Variants in FUCA2 observed in about 807,000 individuals in gnomAD.
FUCA2 encodes the protein alpha-L-fucosidase 2.
A neutral mutation model predicts 52.6 loss-of-function variants in FUCA2; 41 were observed. That is an observed-to-expected ratio of 0.78 (90% CI 0.61 to 1.01). The LOEUF is 1.01. Among genes scored for constraint, FUCA2 ranks in the 50% least tolerant of loss-of-function variants. The pLI, the probability that FUCA2 is intolerant of heterozygous loss-of-function variation, is 0.00. For synonymous variants in FUCA2, 211 were observed against 217.3 expected (o/e 0.97, Z 0.26); for missense variants, 507 against 569.5 (o/e 0.89, Z 1.12).
rs765528096 is a variant in FUCA2, at chr6:143,502,330, A to C, written c.963+25T>G. The stretch of plus-strand genomic sequence containing the variant: ...CCACACTATTAAGAATATTATGTTA[A>C]TAGCCACCAGACATTTCACTGTACC... On this transcript the variant is annotated intron_variant, in intron 4 of 6. Transcript: ENST00000002165. This position sits in a 1 kb window ranked among gnomAD's most constrained non-coding sequence, Gnocchi z 4.1. The C allele has an allele frequency of 6.2e-7, 1 of 1,602,184 alleles. No homozygotes were observed. The highest frequency in any genetic ancestry group is 8.5e-7 in the Non-Finnish European group (1 of 1,171,046).
Position 143,510,908 on chromosome 6 carries a change from T to A in FUCA2, c.224+503A>T, listed in dbSNP as rs981054557. ...TTTAAAAAGTTCCTAGAGCCACACA[T>A]GGGTAACATGTTAACATTAAGTAGC... On this transcript the variant is annotated intron_variant, in intron 1 of 6. Coordinates refer to ENST00000002165, the MANE Select transcript of FUCA2 (RefSeq NM_032020.5). The surrounding 1 kb of genome is among the most constrained non-coding windows in gnomAD (Gnocchi z 4.4). Among the ~76,000 whole-genome samples, 1 of 152,144 alleles carries A rather than the reference T, an allele frequency of 6.6e-6. No homozygotes were observed. The highest frequency in any genetic ancestry group is 2.1e-4 in the South Asian group (1 of 4,830).
chr6:143,498,336 T>C (rs551211591), intron 5 of FUCA2, among the ~76,000 whole-genome samples: 21 of 152,258 alleles, frequency 1.4e-4, no homozygotes, highest in African/African-American at 4.8e-4. Flanking sequence ...TCAACAAATA[T>C]GTCAGGTGTT....
Position 143,504,225 on chromosome 6 carries a change from G to A in FUCA2, c.440C>T (p.Ser147Leu), listed in dbSNP as rs760129725. Residue 147 changes from serine to leucine, a missense_variant, in exon 3 of 7, where the codon TCG becomes TTG. By Grantham distance (145) the Ser-to-Leu change is moderately radical. Transcript: ENST00000002165. The surrounding 1 kb of genome is among the most constrained non-coding windows in gnomAD (Gnocchi z 4.4). ...CTCATCTATGGCATTCCAGTTCCAC[G>A]AATATTCTGACCCCCACAAGGTAAA... ...EGFTLWGSEY[S>L]WNWNAIDEGP... 3.7e-6 allele frequency: 6 copies of A among 1,613,762 alleles called. No individual in the cohort carries two copies. Among genetic ancestry groups the A allele is most frequent in the East Asian group, 2.2e-5 (1 of 44,884 alleles).
In FUCA2 at chr6:143,495,859, A is replaced by G; in HGVS notation, c.1264-12T>C. 6.2e-7 allele frequency: 1 copy of G among 1,613,088 alleles called. No homozygotes were observed. Reference sequence around the variant, plus strand: ...CCCAGTAGTTTCACCTGAAATTAAAAACATACATGCAAATGTCTCCAAATT... The same window carrying G: ...CCCAGTAGTTTCACCTGAAATTAAAGACATACATGCAAATGTCTCCAAATT... On this transcript the variant is annotated splice_polypyrimidine_tract_variant and intron_variant, in intron 6 of 6. Transcript: ENST00000002165. The surrounding 1 kb of genome is among the most constrained non-coding windows in gnomAD (Gnocchi z 5.2).
In FUCA2 at chr6:143,510,697, TTC is replaced by T. The variant is rs1174340233; in HGVS notation, c.224+712_224+713del. On this transcript the variant is annotated intron_variant, in intron 1 of 6. Transcript: ENST00000002165. The surrounding 1 kb of genome is among the most constrained non-coding windows in gnomAD (Gnocchi z 4.4). Reference sequence around the variant, plus strand: ...GTTTCTATATATGCACACAAAATATTTCTGTTTTGAAGGACTTAATACTTGTA... The same window carrying T: ...GTTTCTATATATGCACACAAAATATTTGTTTTGAAGGACTTAATACTTGTA... Among the ~76,000 whole-genome samples, 1 of 152,054 alleles carries T rather than the reference TTC, an allele frequency of 6.6e-6. No homozygotes were observed.
In FUCA2 at chr6:143,502,420, G is replaced by C; in HGVS notation, c.898C>G (p.Leu300Val). 2 of 1,614,056 alleles carry C rather than the reference G, an allele frequency of 1.2e-6. No homozygotes were observed. Among genetic ancestry groups the C allele is most frequent in the Non-Finnish European group, 1.7e-6 (2 of 1,179,972 alleles). The change falls in exon 4 of 7, where the codon CTG becomes GTG. Residue 300 changes from leucine to valine, a missense_variant. Transcript: ENST00000002165. The surrounding 1 kb of genome is among the most constrained non-coding windows in gnomAD (Gnocchi z 4.1). The part of the protein sequence containing the change: ...KWENCMTIDK[L>V]SWGYRREAGI... Reference sequence around the variant, plus strand: ...GCTTCCCTCCTATAGCCCCAGGACAGTTTGTCTATTGTCATGCAGTTTTCC... The same window carrying C: ...GCTTCCCTCCTATAGCCCCAGGACACTTTGTCTATTGTCATGCAGTTTTCC...
At position 143,497,526 on chromosome 6, in the gene FUCA2, A is replaced by C. The variant is rs369469343; in HGVS notation, c.1155-29T>G. On this transcript the variant is annotated intron_variant, in intron 5 of 6. Transcript: ENST00000002165. This position sits in a 1 kb window ranked among gnomAD's most constrained non-coding sequence, Gnocchi z 5.3. ...GTTAAAAGAAAAAAATAAAGAGCAT[A>C]GTAGCAAGTTACATCCCATGTTTCT... The C allele has an allele frequency of 5.6e-6, 7 of 1,242,772 alleles. No homozygotes were observed. In the East Asian group the frequency reaches 1.6e-4, roughly 29 times the overall value. 77.0% of individuals were successfully genotyped at this position (1,242,772 alleles called of 1,614,324 possible). A position where few individuals can be genotyped will look rare whatever the true frequency, so the allele number is the denominator to read the frequency against.
chr6:143,504,021 T>A lies in FUCA2; in HGVS notation c.644A>T (p.Glu215Val). 6.2e-7 allele frequency: 1 copy of A among 1,614,180 alleles called. No homozygotes were observed. The highest frequency in any genetic ancestry group is 8.5e-7 in the Non-Finnish European group (1 of 1,180,024). Residue 215 changes from glutamate to valine, a missense_variant, in exon 3 of 7, where the codon GAG (glutamate) becomes GTG (valine). By Grantham distance (121) the Glu-to-Val change is moderately radical. Coordinates refer to ENST00000002165, the MANE Select transcript of FUCA2 (RefSeq NM_032020.5). This position sits in a 1 kb window ranked among gnomAD's most constrained non-coding sequence, Gnocchi z 4.4. ...CTCAGGCTGATAGTTGTTCACTAAC[T>A]CATAGAGCTCTGGCAATGTCTTAGA... ...PVSKTLPELY[E>V]LVNNYQPEVL...
Position 143,501,820 on chromosome 6 carries a change from T to G in FUCA2, c.1154+112A>C. On this transcript the variant is annotated intron_variant, in intron 5 of 6. Coordinates refer to ENST00000002165, the MANE Select transcript of FUCA2 (RefSeq NM_032020.5). The surrounding 1 kb of genome is among the most constrained non-coding windows in gnomAD (Gnocchi z 6.1). ...TAAGCAAAGTTTGGAAAGTGCTTTGTATATGTAGGAATTCATCCAATTTCT... is the reference window on the plus strand; with the variant it reads ...TAAGCAAAGTTTGGAAAGTGCTTTGGATATGTAGGAATTCATCCAATTTCT... 1.1e-6 allele frequency: 1 copy of G among 901,540 alleles called. No homozygotes were observed. The highest frequency in any genetic ancestry group is 1.7e-6 in the Non-Finnish European group (1 of 604,018). The allele number at this position is 901,540 out of a possible 1,614,324, so 55.8% of individuals were successfully genotyped here.
Position 143,510,425 on chromosome 6 carries a change from C to T in FUCA2, c.224+986G>A, listed in dbSNP as rs142536459. ...TGAGCCACCGCGGATCACCTGAGGT[C>T]AGGAGTTCAAGACCAGCCTGGCTAA... On this transcript the variant is annotated intron_variant, in intron 1 of 6. Coordinates refer to ENST00000002165, the MANE Select transcript of FUCA2 (RefSeq NM_032020.5). This position sits in a 1 kb window ranked among gnomAD's most constrained non-coding sequence, Gnocchi z 4.4. Among the ~76,000 whole-genome samples, 3 of 152,076 alleles carry T rather than the reference C, an allele frequency of 2.0e-5. No homozygotes were observed. Among genetic ancestry groups the T allele is most frequent in the Non-Finnish European group, 4.4e-5 (3 of 68,032 alleles).
In FUCA2 at chr6:143,501,949, A is replaced by G; in HGVS notation, c.1137T>C (p.Thr379=). The part of the protein sequence containing the change: ...ETHTWRSQND[T]VTPDVWYTSK... ...TGACTTACCACACATCTGGGGTGAC[A>G]GTGTCATTCTGGGATCGCCAGGTAT... The change falls in exon 5 of 7, where the codon ACT becomes ACC. Residue 379 remains threonine, a synonymous_variant. Coordinates refer to ENST00000002165, the MANE Select transcript of FUCA2 (RefSeq NM_032020.5). This position sits in a 1 kb window ranked among gnomAD's most constrained non-coding sequence, Gnocchi z 6.1. The G allele has an allele frequency of 6.2e-7, 1 of 1,613,618 alleles. No homozygotes were observed. Among genetic ancestry groups the G allele is most frequent in the Non-Finnish European group, 8.5e-7 (1 of 1,179,718 alleles).
In FUCA2 at chr6:143,511,325, C is replaced by A. The variant is rs985295699; in HGVS notation, c.224+86G>T. ...CGACGAGGGTGCAGGCAGCACCAGG[C>A]GGCGAACCAGGCCCGCTGGGTGGTG... On this transcript the variant is annotated intron_variant, in intron 1 of 6. Coordinates refer to ENST00000002165, the MANE Select transcript of FUCA2 (RefSeq NM_032020.5). This position sits in a 1 kb window ranked among gnomAD's most constrained non-coding sequence, Gnocchi z 6.3. 3 of 1,279,334 alleles carry A rather than the reference C, an allele frequency of 2.3e-6. No homozygotes were observed. Among genetic ancestry groups the A allele is most frequent in the Non-Finnish European group, 3.2e-6 (3 of 932,172 alleles). 79.2% of individuals were successfully genotyped at this position (1,279,334 alleles called of 1,614,324 possible).
Position 143,502,214 on chromosome 6 carries a change from T to G in FUCA2, c.964-92A>C. On this transcript the variant is annotated intron_variant, in intron 4 of 6. Transcript: ENST00000002165. This position sits in a 1 kb window ranked among gnomAD's most constrained non-coding sequence, Gnocchi z 4.1. ...GCATTTATATATTTATACATGTATA[T>G]ATAGTCACTGCCTAGAAGAACAAAC... is the stretch of plus-strand genomic sequence containing the variant. 7.8e-7 allele frequency: 1 copy of G among 1,289,212 alleles called. No homozygotes were observed. Among genetic ancestry groups the G allele is most frequent in the Non-Finnish European group, 1.1e-6 (1 of 928,404 alleles). The allele number at this position is 1,289,212 out of a possible 1,614,324, so 79.9% of individuals were successfully genotyped here.
chr6:143,500,804 T>G lies in FUCA2; in HGVS notation c.1154+1128A>C, dbSNP rs1229739272. On this transcript the variant is annotated intron_variant, in intron 5 of 6. Transcript: ENST00000002165. The surrounding 1 kb of genome is among the most constrained non-coding windows in gnomAD (Gnocchi z 6.9). ...GGGGACAGGGACAGCAAGCCAGGGC[T>G]CTCTCAAAGGATTTTAAGGGTTGAC... Among the ~76,000 whole-genome samples, 1 of 152,050 alleles carries G rather than the reference T, an allele frequency of 6.6e-6. No individual in the cohort carries two copies. Among genetic ancestry groups the G allele is most frequent in the Non-Finnish European group, 1.5e-5 (1 of 68,002 alleles).
chr6:143,507,888 T>G lies in FUCA2; in HGVS notation c.225-464A>C, dbSNP rs567495897. Among the ~76,000 whole-genome samples the G allele has an allele frequency of 2.0e-5, 3 of 152,226 alleles. No individual in the cohort carries two copies. The East Asian group carries it at 5.8e-4, about 29-fold the overall frequency. On this transcript the variant is annotated intron_variant, in intron 1 of 6. Coordinates refer to ENST00000002165, the MANE Select transcript of FUCA2 (RefSeq NM_032020.5). This position sits in a 1 kb window ranked among gnomAD's most constrained non-coding sequence, Gnocchi z 4.5. ...TTCCATATGTTGCCCAGGCTGGTCTTAAACTCCTGGGCTCAAGCGATCTTC... is the reference window on the plus strand; with the variant it reads ...TTCCATATGTTGCCCAGGCTGGTCTGAAACTCCTGGGCTCAAGCGATCTTC...
chr6:143,505,846 A>G (rs1780598679), intron 2 of FUCA2: 1 of 152,194 alleles, frequency 6.6e-6, no homozygotes, highest in Non-Finnish European at 1.5e-5. Flanking sequence ...TCCATGAGCA[A>G]TGAAAACATC....
At chr6:143,496,096 A>C (rs1383494340) in intron 6 of FUCA2, among the ~76,000 whole-genome samples, 1 of 152,156 alleles carries the variant, frequency 6.6e-6, no homozygotes, top group African/African-American at 2.4e-5. Flanking sequence ...GAGAATTTTC[A>C]AGACTGAATG....
chr6:143,502,931 C>T lies in FUCA2; in HGVS notation c.753-366G>A. The T allele has an allele frequency of 5.8e-6, 1 of 171,450 alleles. No homozygotes were observed. Among genetic ancestry groups the T allele is most frequent in the South Asian group, 1.5e-4 (1 of 6,708 alleles). 10.6% of individuals were successfully genotyped at this position (171,450 alleles called of 1,614,324 possible). On this transcript the variant is annotated intron_variant, in intron 3 of 6. Transcript: ENST00000002165. The surrounding 1 kb of genome is among the most constrained non-coding windows in gnomAD (Gnocchi z 4.1). ...TCCATATTGTAAATGGTAGCCAAAA[C>T]TGAATTTATACCCAAGACACTTTTC...
rs76709808 is a variant in FUCA2, at chr6:143,510,786, A to T, written c.224+625T>A. Among the ~76,000 whole-genome samples the T allele has an allele frequency of 6.6e-6, 1 of 152,180 alleles. No individual in the cohort carries two copies. The highest frequency in any genetic ancestry group is 1.5e-5 in the Non-Finnish European group (1 of 68,040). On this transcript the variant is annotated intron_variant, in intron 1 of 6. Transcript: ENST00000002165. The surrounding 1 kb of genome is among the most constrained non-coding windows in gnomAD (Gnocchi z 4.4). ...AAATTACATGCACATTTTCACATAGATCTCAAGGTAAAATCTAACGCACAG... is the reference window on the plus strand; with the variant it reads ...AAATTACATGCACATTTTCACATAGTTCTCAAGGTAAAATCTAACGCACAG...
Sources: gnomAD v4.1 joint callset for allele counts (sites outside exome capture counted in the v4.1 genomes callset) on GRCh38, gnomAD v4.1.1 for gene constraint, Gnocchi (gnomAD v3.1) non-coding constraint, MANE v1.5 for transcripts, NCBI Gene and HGNC (gene_info 2026-07-23, HGNC 2026-07-21) for gene names.